Variants in TANC1 observed in about 807,000 individuals in gnomAD.
The protein encoded by TANC1 is protein TANC1.
A neutral mutation model predicts 149.7 loss-of-function variants in TANC1; 77 were observed. The ratio of observed to expected loss-of-function variants is 0.51; its 90% confidence interval spans 0.43 to 0.62. TANC1 has a LOEUF of 0.62. Ranked by LOEUF, TANC1 falls within the 20% of genes least tolerant of loss-of-function variation. TANC1 has a pLI of 0.00. For synonymous variants in TANC1, 854 were observed against 925.0 expected (o/e 0.92, Z 1.39); for missense variants, 1,985 against 2,321.8 (o/e 0.85, Z 2.98).
At chr2:159,226,482 A>G (rs2060034032) in intron 24 of TANC1, 1 of 152,230 alleles carries the variant, frequency 6.6e-6, no homozygotes, top group African/African-American at 2.4e-5. Flanking sequence ...ACATTTCTAG[A>G]AGAAAAGGGT....
intron 2 of TANC1, among the ~76,000 whole-genome samples, chr2:159,019,872 G>C (rs768186061): frequency 6.6e-6 from 1 of 151,344 alleles, no homozygotes; most frequent in Non-Finnish European, 1.5e-5. Flanking sequence ...CCGAAGTGTT[G>C]GGATTTCAGG....
intron 19 of TANC1, among the ~76,000 whole-genome samples, chr2:159,209,654 G>C (rs1256555132): frequency 6.6e-6 from 1 of 152,166 alleles, no homozygotes; most frequent in African/African-American, 2.4e-5. Flanking sequence ...AGGGTGGGCA[G>C]TCATTCCCAG....
intron 25 of TANC1, 101 bp downstream of exon 25, chr2:159,228,066 G>C: frequency 7.5e-7 from 1 of 1,334,862 alleles, no homozygotes; most frequent in Non-Finnish European, 1.0e-6. Flanking sequence ...GGGCCCTCCT[G>C]TCCAATTTGC....
intron 2 of TANC1, among the ~76,000 whole-genome samples, chr2:159,010,843 A>G (rs1023674779): frequency 1.3e-5 from 2 of 151,988 alleles, no homozygotes; most frequent in African/African-American, 4.8e-5. Flanking sequence ...GTTTATTGGA[A>G]TAATCTCCTA....
chr2:159,003,593 T>C (rs1295157811), intron 2 of TANC1, among the ~76,000 whole-genome samples: 2 of 152,168 alleles, frequency 1.3e-5, no homozygotes, highest in Non-Finnish European at 2.9e-5. Flanking sequence ...AGGCATAAAG[T>C]GGAAGTCACA....
chr2:159,035,465 A>C (rs2040111740), intron 2 of TANC1, among the ~76,000 whole-genome samples: 1 of 152,198 alleles, frequency 6.6e-6, no homozygotes, highest in Admixed American at 6.5e-5. Context: ...AAAACAGTAA[A>C]AGTTCATAAT....
Position 159,133,646 on chromosome 2 carries a change from G to GATAT in TANC1, c.260-2539_260-2536dup, listed in dbSNP as rs61541646. On this transcript the variant is annotated intron_variant, in intron 4 of 26. Coordinates refer to ENST00000263635, the MANE Select transcript of TANC1 (RefSeq NM_033394.3). The stretch of plus-strand genomic sequence containing the variant: ...TTTTCCCTACGCATATTTATGTGTG[G>GATAT]ATATATATATATGTTGTAGATAAAG... Among the ~76,000 whole-genome samples the GATAT allele has an allele frequency of 9.2e-5, 14 of 151,746 alleles. 1 individual carries two copies. The highest frequency in any genetic ancestry group is 6.3e-4 in the South Asian group (3 of 4,790).
At chr2:159,008,245 CA>C (rs962900091) in intron 2 of TANC1, among the ~76,000 whole-genome samples, 2 of 152,194 alleles carry the variant, frequency 1.3e-5, no homozygotes, top group African/African-American at 2.4e-5. Flanking sequence ...GCATCTGATA[CA>C]GCTTGGTAGT....
Position 159,172,211 on chromosome 2 carries a change from G to T in TANC1, c.1442G>T (p.Gly481Val), listed in dbSNP as rs769640814. The change falls in exon 11 of 27, where the codon GGG becomes GTG. Residue 481 changes from glycine (G) to valine (V), a missense_variant. By Grantham distance (109) the Gly-to-Val change is moderately radical. Coordinates refer to ENST00000263635, the MANE Select transcript of TANC1 (RefSeq NM_033394.3). ...SASSTAKTPL[G>V]SISAENQRPR... is the part of the protein sequence containing the mutation. The stretch of plus-strand genomic sequence containing the variant: ...TCCAGCACAGCTAAAACACCTCTTG[G>T]GTCTATCAGTGCTGAAAACCAGAGA... The T allele has an allele frequency of 3.1e-6, 5 of 1,614,112 alleles. No individual in the cohort carries two copies. In the Admixed American group the frequency reaches 5.0e-5, roughly 16 times the overall value.
At chr2:159,096,252 C>T (rs571783406) in intron 3 of TANC1, among the ~76,000 whole-genome samples, 1 of 148,896 alleles carries the variant, frequency 6.7e-6, no homozygotes, top group South Asian at 2.1e-4. Context: ...AAGAAGCAGT[C>T]AGAGGAAAAT....
chr2:159,041,130 G>A (rs1189241284), intron 2 of TANC1, among the ~76,000 whole-genome samples: 3 of 152,136 alleles, frequency 2.0e-5, no homozygotes. Context: ...AGCAAATATT[G>A]CTGCCTGATC....
At position 159,178,768 on chromosome 2, in the gene TANC1, G is replaced by A; in HGVS notation, c.2115G>A (p.Leu705=). ...TGCTGCGGAGCCTCGGCTCCTACCT[G>A]TACCTCAAGCTCACCCTGGACCTTT... ...HLVLRSLGSY[L]YLKLTLDLFQ... The change falls in exon 14 of 27, where the codon CTG becomes CTA. Residue 705 remains leucine (L), a synonymous_variant. Transcript: ENST00000263635. 6.2e-7 allele frequency: 1 copy of A among 1,614,174 alleles called. No individual in the cohort carries two copies. The highest frequency in any genetic ancestry group is 1.7e-5 in the Admixed American group (1 of 60,024).
At chr2:159,031,505 G>A (rs913026526) in intron 2 of TANC1, among the ~76,000 whole-genome samples, 4 of 152,196 alleles carry the variant, frequency 2.6e-5, no homozygotes, top group Admixed American at 2.0e-4. Flanking sequence ...ATCTGGAAGT[G>A]GATGTAGTTT....
chr2:159,116,177 A>G (rs1449908058), intron 4 of TANC1, among the ~76,000 whole-genome samples: 1 of 152,182 alleles, frequency 6.6e-6, no homozygotes, highest in Non-Finnish European at 1.5e-5. Flanking sequence ...TTGTAATCCC[A>G]GCACTTTGGG....
chr2:159,021,348 G>T (rs1442164721), intron 2 of TANC1, among the ~76,000 whole-genome samples: 1 of 152,144 alleles, frequency 6.6e-6, no homozygotes, highest in Non-Finnish European at 1.5e-5. Context: ...GGCAGGGTTT[G>T]TATCCTTCTC....
intron 14 of TANC1, among the ~76,000 whole-genome samples, chr2:159,183,349 C>A (rs577780784): frequency 6.6e-6 from 1 of 152,106 alleles, no homozygotes; most frequent in African/African-American, 2.4e-5. Context: ...AGCGCCAGGG[C>A]GGGTCGGCAG....
chr2:159,130,601 C>T (rs1156965122), intron 4 of TANC1, among the ~76,000 whole-genome samples: 2 of 152,178 alleles, frequency 1.3e-5, no homozygotes, highest in African/African-American at 4.8e-5. Context: ...TGTTCTGTAG[C>T]CGCAGCCTGC....
At chr2:159,188,221 T>A (rs748156655) in intron 16 of TANC1, among the ~76,000 whole-genome samples, 292 of 152,374 alleles carry the variant, frequency 1.9e-3, no homozygotes, top group Middle Eastern at 3.4e-3. Context: ...ACAGTAATTT[T>A]AAATTATGCA....
At chr2:159,200,736 T>A (rs1200787744) in intron 19 of TANC1, among the ~76,000 whole-genome samples, 1 of 152,214 alleles carries the variant, frequency 6.6e-6, no homozygotes. Flanking sequence ...TACTTCAGGA[T>A]CTTACCAGGC....
Sources: gnomAD v4.1 joint callset for allele counts (sites outside exome capture counted in the v4.1 genomes callset) on GRCh38, gnomAD v4.1.1 for gene constraint, MANE v1.5 for transcripts, NCBI Gene and HGNC (gene_info 2026-07-23, HGNC 2026-07-21) for gene names.